Variants in KCND2 observed in about 807,000 individuals in gnomAD.
KCND2 encodes potassium voltage-gated channel subfamily D member 2.
In KCND2, 16 loss-of-function variants were observed where a neutral mutation model predicts 54.4. That is an observed-to-expected ratio of 0.29 (90% CI 0.20 to 0.45). The LOEUF is 0.45. KCND2 is among the 20% of genes least tolerant of loss of function. The probability of loss-of-function intolerance (pLI) is 1.00; values close to 1 mark genes in which losing one functional copy is unlikely to be tolerated. For missense variants in KCND2, 486 were observed against 824.2 expected (o/e 0.59, Z 5.02); for synonymous variants, 317 against 310.7 (o/e 1.02, Z -0.21).
intron 1 of KCND2, among the ~76,000 whole-genome samples, chr7:120,437,495 C>T (rs565983763): frequency 6.6e-6 from 1 of 152,138 alleles, no homozygotes; most frequent in South Asian, 2.1e-4. Context: ...AGCCACTGTG[C>T]CCAGCCCCAA....
intron 1 of KCND2, among the ~76,000 whole-genome samples, chr7:120,496,185 A>G (rs1802844353): frequency 1.3e-5 from 2 of 152,130 alleles, no homozygotes; most frequent in African/African-American, 4.8e-5. Context: ...TAAACCTGCA[A>G]CACTCTCCCT....
chr7:120,606,938 A>T (rs1792889341), intron 1 of KCND2, among the ~76,000 whole-genome samples: 1 of 152,150 alleles, frequency 6.6e-6, no homozygotes, highest in Admixed American at 6.6e-5. Flanking sequence ...CAGCAACAGT[A>T]AAAGCTAGCT....
intron 1 of KCND2, among the ~76,000 whole-genome samples, chr7:120,631,732 A>G (rs1213222356): frequency 6.6e-6 from 1 of 152,164 alleles, no homozygotes; most frequent in Non-Finnish European, 1.5e-5. Flanking sequence ...TTTTATATGT[A>G]CATAATTTAT....
rs939407357 is a variant in KCND2 at position 120,315,112 on chromosome 7, G to GA, written c.1115+39373dup. ...TTCAACTTAAATTGCTTTGTAAAGG[G>GA]AAAAAAAAGCATCTATTAATATGAT... On this transcript the variant is annotated intron_variant, in intron 1 of 5. Coordinates refer to ENST00000331113, the MANE Select transcript of KCND2 (RefSeq NM_012281.3). Among the ~76,000 whole-genome samples the GA allele has an allele frequency of 9.2e-5, 14 of 151,394 alleles. No homozygotes were observed. The East Asian group carries it at 1.9e-3, about 21-fold the overall frequency.
At chr7:120,415,151 A>G (rs1160087095) in intron 1 of KCND2, among the ~76,000 whole-genome samples, 1 of 152,204 alleles carries the variant, frequency 6.6e-6, no homozygotes, top group Non-Finnish European at 1.5e-5. Flanking sequence ...CAACATTGCC[A>G]TGTAATCATA....
chr7:120,742,077 T>C (rs1792948587), intron 3 of KCND2, among the ~76,000 whole-genome samples: 1 of 152,170 alleles, frequency 6.6e-6, no homozygotes. Context: ...TGGCATAAAC[T>C]ACAATTTGAG....
intron 1 of KCND2, among the ~76,000 whole-genome samples, chr7:120,383,621 A>C (rs1800943095): frequency 6.6e-6 from 1 of 152,080 alleles, no homozygotes; most frequent in African/African-American, 2.4e-5. Context: ...TGAATATACC[A>C]AAATAAGCAA....
At chr7:120,422,876 C>T (rs2116139178) in intron 1 of KCND2, among the ~76,000 whole-genome samples, 1 of 152,318 alleles carries the variant, frequency 6.6e-6, no homozygotes, top group South Asian at 2.1e-4. Context: ...GTAAAGTCAT[C>T]TTACTGTCGT....
At chr7:120,397,461 C>G (rs573631483) in intron 1 of KCND2, among the ~76,000 whole-genome samples, 1 of 152,052 alleles carries the variant, frequency 6.6e-6, no homozygotes, top group East Asian at 1.9e-4. Flanking sequence ...TTTCTTTATT[C>G]TGCATGTATG....
chr7:120,498,799 T>TA (rs1802889712), intron 1 of KCND2, among the ~76,000 whole-genome samples: 1 of 149,590 alleles, frequency 6.7e-6, no homozygotes, highest in Non-Finnish European at 1.5e-5. Context: ...AAAAGTAAAA[T>TA]AAAATAAAAT....
chr7:120,543,108 G>A (rs923302165), intron 1 of KCND2, among the ~76,000 whole-genome samples: 4 of 151,904 alleles, frequency 2.6e-5, no homozygotes, highest in African/African-American at 4.8e-5. Context: ...TGCATGTTTC[G>A]TGGAATTTCT....
intron 1 of KCND2, among the ~76,000 whole-genome samples, chr7:120,509,681 AT>A (rs150017285): frequency 0.026 from 3,989 of 152,208 alleles, 156 homozygotes; most frequent in African/African-American, 0.09. Context: ...GCCATGAGAT[AT>A]TAAGTTGCTA....
At chr7:120,713,521 A>G (rs1345949397) in intron 1 of KCND2, among the ~76,000 whole-genome samples, 2 of 152,166 alleles carry the variant, frequency 1.3e-5, no homozygotes, top group African/African-American at 4.8e-5. Context: ...CAACTGTGAA[A>G]CAGTAGGAAA....
At chr7:120,482,668 T>A (rs557678209) in intron 1 of KCND2, among the ~76,000 whole-genome samples, 1 of 152,116 alleles carries the variant, frequency 6.6e-6, no homozygotes, top group Non-Finnish European at 1.5e-5. Flanking sequence ...TGCTTCTTCC[T>A]CTCACCTTCC....
chr7:120,747,845 T>C lies in KCND2; in HGVS notation c.1880T>C (p.Val627Ala). ...TACTCAGGAGGAAATATTGTCAGAG[T>C]TTCTGCTTTGTAAGACAATTGGAAT... Reference protein sequence around the residue: ...PEYSGGNIVRVSAL With the variant: ...PEYSGGNIVRASAL Residue 627 changes from valine (V) to alanine (A), a missense_variant, in exon 6 of 6, where the codon GTT (valine) becomes GCT (alanine). Val to Ala is a moderately conservative substitution (Grantham distance 64). Around this residue, in one of 7 missense-constraint regions of KCND2, gnomAD observed 202 missense variants for 252.7 expected, o/e 0.80. Coordinates refer to ENST00000331113, the MANE Select transcript of KCND2 (RefSeq NM_012281.3). 6.2e-7 allele frequency: 1 copy of C among 1,611,326 alleles called. No individual in the cohort carries two copies. Among genetic ancestry groups the C allele is most frequent in the Non-Finnish European group, 8.5e-7 (1 of 1,178,316 alleles).
At chr7:120,637,767 C>A (rs17523109) in intron 1 of KCND2, among the ~76,000 whole-genome samples, 7,904 of 152,096 alleles carry the variant, frequency 0.052, 357 homozygotes, top group South Asian at 0.067. Flanking sequence ...GATTTAACAG[C>A]TCAAAGTGTC....
At chr7:120,357,973 T>G (rs117871537) in intron 1 of KCND2, among the ~76,000 whole-genome samples, 82 of 152,290 alleles carry the variant, frequency 5.4e-4, no homozygotes, top group Non-Finnish European at 1.1e-3. Flanking sequence ...AGTCTGTAAT[T>G]GACAGCAAGT....
intron 1 of KCND2, among the ~76,000 whole-genome samples, chr7:120,666,410 G>A (rs1791927612): frequency 6.6e-6 from 1 of 151,760 alleles, no homozygotes. Flanking sequence ...TAAGGTAAAA[G>A]ATGCCATTGT....
chr7:120,691,016 A>G (rs1489289520), intron 1 of KCND2, among the ~76,000 whole-genome samples: 4 of 152,202 alleles, frequency 2.6e-5, no homozygotes, highest in African/African-American at 7.2e-5. Context: ...AATACTTAAA[A>G]GTAGGGAAAG....
Sources: allele counts gnomAD v4.1 joint callset (sites outside exome capture counted in the v4.1 genomes callset), GRCh38; gene constraint gnomAD v4.1.1; regional missense constraint gnomAD v4.1.1; transcripts MANE v1.5; gene names NCBI Gene and HGNC (gene_info 2026-07-23, HGNC 2026-07-21).